The following DHX8 variants were observed in gnomAD, a reference collection of about 807,000 sequenced individuals.
DHX8 encodes DEAH-box helicase 8, also known as ATP-dependent RNA helicase DHX8.
In DHX8, 67 loss-of-function variants were observed where a neutral mutation model predicts 140.7. The observed-to-expected ratio is 0.48, with a 90% CI of 0.39 to 0.58. DHX8 has a LOEUF of 0.58. DHX8 is among the 20% of genes least tolerant of loss of function. The pLI is 0.00. For missense variants in DHX8, 887 were observed against 1,550.7 expected, an observed-to-expected ratio of 0.57 and a Z score of 7.19; for synonymous variants, 533 against 553.2, an observed-to-expected ratio of 0.96 and a Z score of 0.51.
downstream of DHX8, among the ~76,000 whole-genome samples, chr17:43,531,638 C>A (rs1320171541): frequency 2.6e-5 from 4 of 152,154 alleles, no homozygotes; most frequent in African/African-American, 9.7e-5. Context: ...CAGTGGCACT[C>A]CAGCCTGGGC....
intron 18 of DHX8, chr17:43,518,750 T>TC (rs1970235842): frequency 6.6e-6 from 1 of 152,160 alleles, no homozygotes; most frequent in African/African-American, 2.4e-5. Flanking sequence ...AAACAGTAAC[T>TC]CCCCTTTCCC....
At chr17:43,541,760 C>A (rs971542746) in intron 3 of DHX8, among the ~76,000 whole-genome samples, 1 of 152,134 alleles carries the variant, frequency 6.6e-6, no homozygotes, top group Non-Finnish European at 1.5e-5. Flanking sequence ...CCTGCCCCCA[C>A]CCTGGCAGCC....
chr17:43,507,529 C>T lies in DHX8; in HGVS notation c.1950C>T (p.Asp650=), dbSNP rs201469864. 6 of 1,614,104 alleles carry T rather than the reference C, an allele frequency of 3.7e-6. No homozygotes were observed. The African/African-American group carries it at 8.0e-5, about 22-fold the overall frequency. ...TGGGCTACACCATTCGATTTGAGGACTGCACTAGCCCTGAAACAGTCATCA... is the reference window on the plus strand; with the variant it reads ...TGGGCTACACCATTCGATTTGAGGATTGCACTAGCCCTGAAACAGTCATCA... The part of the protein sequence containing the change: ...QEVGYTIRFE[D]CTSPETVIKY... Residue 650 remains aspartate (D), a synonymous_variant, in exon 14 of 23, where the codon GAC becomes GAT. Transcript: ENST00000262415.
intron 3 of DHX8, among the ~76,000 whole-genome samples, chr17:43,542,486 C>T (rs1971573699): frequency 6.6e-6 from 1 of 152,278 alleles, no homozygotes; most frequent in Admixed American, 6.5e-5. Flanking sequence ...TAGCCAGACA[C>T]ATATTGGGCT....
chr17:43,526,348 C>T (rs1188938658), downstream of DHX8: 3 of 1,458,182 alleles, frequency 2.1e-6, no homozygotes, highest in Non-Finnish European at 2.7e-6. Flanking sequence ...TTGCCTGCCT[C>T]TGCACACATG....
At chr17:43,541,260 C>T (rs929399297) in intron 3 of DHX8, among the ~76,000 whole-genome samples, 20 of 152,240 alleles carry the variant, frequency 1.3e-4, no homozygotes, top group African/African-American at 2.4e-5. Flanking sequence ...AACAGGAACA[C>T]TGAGCCTCGC....
chr17:43,495,189 G>A (rs1003518680), intron 8 of DHX8, among the ~76,000 whole-genome samples: 4 of 152,130 alleles, frequency 2.6e-5, no homozygotes, highest in Non-Finnish European at 4.4e-5. Flanking sequence ...GGCTATAAAC[G>A]CGAATATATC....
chr17:43,518,553 A>G (rs1183853231), intron 18 of DHX8: 1 of 151,508 alleles, frequency 6.6e-6, no homozygotes, highest in East Asian at 1.9e-4. Flanking sequence ...TATGCAAGAG[A>G]CAGGACAAGT....
intron 8 of DHX8, 122 bp from the exon 9 acceptor site, chr17:43,496,059 C>T (rs992933915): frequency 2.0e-5 from 14 of 698,094 alleles, no homozygotes; most frequent in Non-Finnish European, 3.4e-5. Flanking sequence ...GATCAGGTCA[C>T]TGCACTTCAG....
downstream of DHX8, chr17:43,528,846 G>A (rs1970725897): frequency 1.1e-6 from 1 of 877,656 alleles, no homozygotes; most frequent in South Asian, 1.7e-5. Context: ...AGTACAGGCA[G>A]ATGCTCGGGG....
intron 9 of DHX8, among the ~76,000 whole-genome samples, chr17:43,496,771 C>G (rs922812124): frequency 1.5e-4 from 21 of 144,014 alleles, no homozygotes; most frequent in African/African-American, 5.0e-4. Context: ...CAGAGTGAGA[C>G]TCTATCAAAA....
intron 2 of DHX8, among the ~76,000 whole-genome samples, chr17:43,534,359 T>G (rs1971121916): frequency 6.6e-6 from 1 of 151,692 alleles, no homozygotes; most frequent in Non-Finnish European, 1.5e-5. Context: ...CCGGGGATGG[T>G]GGCGGATGCC....
chr17:43,535,696 C>T (rs982097285), intron 2 of DHX8, among the ~76,000 whole-genome samples: 3 of 152,214 alleles, frequency 2.0e-5, no homozygotes, highest in Non-Finnish European at 4.4e-5. Flanking sequence ...TCCCTGGCCT[C>T]TCTATCCACT....
chr17:43,502,870 T>G (rs1440573297), intron 11 of DHX8, among the ~76,000 whole-genome samples: 2 of 152,250 alleles, frequency 1.3e-5, no homozygotes, highest in African/African-American at 4.8e-5. Flanking sequence ...CATTCCCTTT[T>G]ACCCTTTAGT....
At chr17:43,507,351 A>C (rs1438280633) in intron 13 of DHX8, 152 bp from the exon 14 acceptor site, 1 of 1,057,784 alleles carries the variant, frequency 9.5e-7, no homozygotes, top group East Asian at 2.6e-5. Flanking sequence ...TTCAGAGTAT[A>C]GTCTAAGACA....
rs1179455018 is a variant in DHX8, at chr17:43,533,874, T to C, written c.351-2538T>C. 10 of 1,606,092 alleles carry C rather than the reference T, an allele frequency of 6.2e-6. No homozygotes were observed. Among genetic ancestry groups the C allele is most frequent in the Non-Finnish European group, 8.5e-6 (10 of 1,176,854 alleles). On this transcript the variant is annotated intron_variant, in intron 2 of 3. Coordinates refer to the DHX8 transcript ENST00000589898. ...TGGGGCTCACCTGGAGTAAAGGCAC[T>C]GCTCGCCATGGTGGTAGGGGAGTGG...
At chr17:43,512,709 C>T (rs747080626) in intron 16 of DHX8, among the ~76,000 whole-genome samples, 4 of 152,102 alleles carry the variant, frequency 2.6e-5, no homozygotes, top group Non-Finnish European at 5.9e-5. Flanking sequence ...TATTCCGGTG[C>T]CCCCAGTGAT....
intron 2 of DHX8, among the ~76,000 whole-genome samples, chr17:43,535,797 G>A (rs1377956591): frequency 2.6e-5 from 4 of 152,176 alleles, no homozygotes; most frequent in Non-Finnish European, 5.9e-5. Context: ...ATTGTCCCCA[G>A]TTTATGGAAG....
chr17:43,504,696 T>A lies in DHX8; in HGVS notation c.1599T>A (p.Asn533Lys). ...TGAGGGGTATTGGGATGATGCCCAA[T>A]GATATTCCTGAGTGGAAGAAGCATG... is the stretch of plus-strand genomic sequence containing the variant. ...ANMRGIGMMPNDIPEWKKHAF... is the reference protein window; with the variant it reads ...ANMRGIGMMPKDIPEWKKHAF... The change falls in exon 12 of 23, where the codon AAT (asparagine) becomes AAA (lysine). Residue 533 changes from asparagine (N) to lysine (K), a missense_variant. By Grantham distance (94) the Asn-to-Lys change is moderately conservative. Coordinates refer to ENST00000262415, the MANE Select transcript of DHX8 (RefSeq NM_004941.3). 6.2e-7 allele frequency: 1 copy of A among 1,614,060 alleles called. No homozygotes were observed. The highest frequency in any genetic ancestry group is 8.5e-7 in the Non-Finnish European group (1 of 1,180,006).
Sources: gnomAD v4.1 joint callset for allele counts (sites outside exome capture counted in the v4.1 genomes callset) on GRCh38, gnomAD v4.1.1 for gene constraint, MANE v1.5 for transcripts, NCBI Gene and HGNC (gene_info 2026-07-23, HGNC 2026-07-21) for gene names.